PARD3B: variants seen among roughly 807,000 people sequenced by gnomAD.
PARD3B encodes the protein par-3 family cell polarity regulator beta.
Under a neutral mutation model 130.2 loss-of-function variants are expected in PARD3B, and 103 were observed. The observed-to-expected ratio is 0.79, with a 90% confidence interval of 0.67 to 0.93. PARD3B has a LOEUF of 0.93. PARD3B is among the 40% of genes least tolerant of loss of function. The pLI is 0.00. For missense variants in PARD3B, 1,609 were observed against 1,499.2 expected, an observed-to-expected ratio of 1.07 and a Z score of -1.21; for synonymous variants, 583 against 553.2, an observed-to-expected ratio of 1.05 and a Z score of -0.76.
chr2:204,996,951 C>T (rs984657216), intron 3 of PARD3B, among the ~76,000 whole-genome samples: 5 of 152,024 alleles, frequency 3.3e-5, no homozygotes, highest in African/African-American at 1.2e-4. Flanking sequence ...GCACATGGTG[C>T]GCGCACACAC....
At chr2:205,452,182 C>T (rs779591718) in intron 20 of PARD3B, among the ~76,000 whole-genome samples, 7 of 152,172 alleles carry the variant, frequency 4.6e-5, no homozygotes, top group South Asian at 2.1e-4. Context: ...CTCTTTGTCA[C>T]GACAGTTTGT....
intron 22 of PARD3B, among the ~76,000 whole-genome samples, chr2:205,554,104 C>G (rs2052771825): frequency 6.6e-6 from 1 of 152,164 alleles, no homozygotes; most frequent in African/African-American, 2.4e-5. Flanking sequence ...AGAGTACATG[C>G]AGTCCAGCTA....
intron 2 of PARD3B, among the ~76,000 whole-genome samples, chr2:204,720,574 A>G (rs1364124416): frequency 1.3e-5 from 2 of 152,170 alleles, no homozygotes; most frequent in Non-Finnish European, 2.9e-5. Flanking sequence ...GGATAAATTG[A>G]TGTCTTTTGT....
intron 15 of PARD3B, among the ~76,000 whole-genome samples, chr2:205,221,446 C>T (rs1297921554): frequency 6.6e-6 from 1 of 152,124 alleles, no homozygotes; most frequent in Non-Finnish European, 1.5e-5. Context: ...AGCAGTAGCC[C>T]GGTTCAGCTG....
chr2:205,521,200 C>T (rs1375868201), intron 21 of PARD3B, among the ~76,000 whole-genome samples: 1 of 151,800 alleles, frequency 6.6e-6, no homozygotes, highest in African/African-American at 2.4e-5. Context: ...CCTAGTATTA[C>T]CAATTTGATG....
rs4045004 is a variant in PARD3B, at chr2:205,126,752, C to CAAAAAAAAAA, written c.1434+1041_1434+1050dup. On this transcript the variant is annotated intron_variant, in intron 10 of 22. Coordinates refer to ENST00000406610, the MANE Select transcript of PARD3B (RefSeq NM_001302769.2). ...TGGGCGACAGAGCGAGACTCCGTCT[C>CAAAAAAAAAA]AAAAAAAAAAAAAAAAAAAAAAAAA... Among the ~76,000 whole-genome samples the CAAAAAAAAAA allele has an allele frequency of 3.4e-3, 256 of 74,446 alleles. 6 individuals carry two copies. Among genetic ancestry groups the CAAAAAAAAAA allele is most frequent in the Non-Finnish European group, 4.4e-3 (197 of 44,482 alleles). 48.8% of individuals were successfully genotyped at this position (74,446 alleles called of 152,430 possible). A position where few individuals can be genotyped will look rare whatever the true frequency, so the allele number is the denominator to read the frequency against.
chr2:205,532,010 C>CTATT (rs1341743462), intron 21 of PARD3B, among the ~76,000 whole-genome samples: 1 of 152,108 alleles, frequency 6.6e-6, no homozygotes, highest in African/African-American at 2.4e-5. Context: ...GTGAACACCG[C>CTATT]TATTAATCAA....
rs1158050373 is a variant in PARD3B at position 205,246,199 on chromosome 2, G to A, written c.2185+377G>A. On this transcript the variant is annotated intron_variant, in intron 16 of 22. Coordinates refer to ENST00000406610, the MANE Select transcript of PARD3B (RefSeq NM_001302769.2). ...GAGAATTCCAGAATAAGAAAGATAC[G>A]ATCATTTTTTTCTCCTCAAAAAAGA... is the stretch of plus-strand genomic sequence containing the variant. Among the ~76,000 whole-genome samples, 5 of 150,322 alleles carry A rather than the reference G, an allele frequency of 3.3e-5. No individual in the cohort carries two copies. The South Asian group carries it at 6.3e-4, about 19-fold the overall frequency.
intron 18 of PARD3B, among the ~76,000 whole-genome samples, chr2:205,337,741 C>A (rs2043364337): frequency 6.6e-6 from 1 of 152,136 alleles, no homozygotes. Flanking sequence ...AACTTACTTT[C>A]TTTTTGTAAA....
At position 204,746,426 on chromosome 2, in the gene PARD3B, G is replaced by A. The variant is rs566602718; in HGVS notation, c.222+60144G>A. ...TTCCAAGTCTTTGCTATTGTGAATA[G>A]TGCCGCAATAAACATACGTGTGCAT... On this transcript the variant is annotated intron_variant, in intron 2 of 22. Transcript: ENST00000406610. Among the ~76,000 whole-genome samples, 13 of 152,020 alleles carry A rather than the reference G, an allele frequency of 8.6e-5. No homozygotes were observed. In the East Asian group the frequency reaches 2.1e-3, roughly 25 times the overall value.
At chr2:205,599,661 G>A (rs984616133) in intron 22 of PARD3B, among the ~76,000 whole-genome samples, 4 of 152,266 alleles carry the variant, frequency 2.6e-5, no homozygotes, top group Admixed American at 6.5e-5. Flanking sequence ...AAGGTATGTT[G>A]AGGCAGATTT....
chr2:205,333,732 A>T (rs1028425292), intron 18 of PARD3B, among the ~76,000 whole-genome samples: 2 of 152,204 alleles, frequency 1.3e-5, no homozygotes, highest in Admixed American at 6.5e-5. Context: ...AAACCCAGAT[A>T]CCTTTCTTTT....
At chr2:205,063,666 T>C (rs547833158) in intron 4 of PARD3B, among the ~76,000 whole-genome samples, 71 of 152,326 alleles carry the variant, frequency 4.7e-4, no homozygotes, top group African/African-American at 1.7e-3. Flanking sequence ...GGTGGTCCCA[T>C]TGATATTTCT....
rs576464362 is a variant in PARD3B at position 204,782,854 on chromosome 2, G to A, written c.222+96572G>A. Among the ~76,000 whole-genome samples, 63 of 151,982 alleles carry A rather than the reference G, an allele frequency of 4.1e-4. No individual in the cohort carries two copies. In the South Asian group the frequency reaches 0.013, roughly 31 times the overall value. On this transcript the variant is annotated intron_variant, in intron 2 of 22. Coordinates refer to ENST00000406610, the MANE Select transcript of PARD3B (RefSeq NM_001302769.2). ...TTAATTTTTTATTTCCATACTGTTG[G>A]TTATTAATGATAATTGGAGCCACAC...
At chr2:205,496,470 T>A (rs2160385) in intron 20 of PARD3B, among the ~76,000 whole-genome samples, 72,394 of 151,820 alleles carry the variant, frequency 0.48, 17,635 homozygotes, top group Admixed American at 0.56. Context: ...TCCATATTTT[T>A]AAAAAATATT....
At chr2:204,913,891 T>C (rs1384640324) in intron 2 of PARD3B, among the ~76,000 whole-genome samples, 1 of 152,226 alleles carries the variant, frequency 6.6e-6, no homozygotes, top group Non-Finnish European at 1.5e-5. Context: ...AGGTGTTTTG[T>C]TTGGTCTAAA....
At chr2:204,651,832 C>T (rs541686590) in intron 1 of PARD3B, among the ~76,000 whole-genome samples, 1 of 152,294 alleles carries the variant, frequency 6.6e-6, no homozygotes, top group African/African-American at 2.4e-5. Flanking sequence ...CACCTTTTGC[C>T]CTCTGCACAC....
At chr2:205,185,028 A>G (rs1447026923) in intron 13 of PARD3B, among the ~76,000 whole-genome samples, 2 of 152,218 alleles carry the variant, frequency 1.3e-5, no homozygotes, top group African/African-American at 4.8e-5. Flanking sequence ...GAAATAATAT[A>G]CAAGGCTTAA....
At chr2:204,962,378 G>A (rs1401380628) in intron 2 of PARD3B, among the ~76,000 whole-genome samples, 1 of 152,082 alleles carries the variant, frequency 6.6e-6, no homozygotes, top group African/African-American at 2.4e-5. Flanking sequence ...TCTTCTGCAT[G>A]CCATACAAGT....
Sources: gnomAD v4.1 joint callset for allele counts (sites outside exome capture counted in the v4.1 genomes callset) on GRCh38, gnomAD v4.1.1 for gene constraint, MANE v1.5 for transcripts, NCBI Gene and HGNC (gene_info 2026-07-23, HGNC 2026-07-21) for gene names.